Variants in MAN2A1 observed in about 807,000 individuals in gnomAD.
The protein encoded by MAN2A1 is alpha-mannosidase 2.
A neutral mutation model predicts 142.6 loss-of-function variants in MAN2A1; 76 were observed. That is an observed-to-expected ratio of 0.53 (90% CI 0.44 to 0.65). The LOEUF is 0.65. Among genes scored for constraint, MAN2A1 ranks in the 30% least tolerant of loss-of-function variants. The pLI, the probability that MAN2A1 is intolerant of heterozygous loss-of-function variation, is 0.00. For missense variants in MAN2A1, 1,311 were observed against 1,365.1 expected (o/e 0.96, Z 0.62); for synonymous variants, 559 against 473.2 (o/e 1.18, Z -2.35).
chr5:109,798,898 TAGTC>T (rs1360599571), intron 12 of MAN2A1, among the ~76,000 whole-genome samples: 2 of 152,178 alleles, frequency 1.3e-5, no homozygotes, highest in Non-Finnish European at 2.9e-5. Context: ...TTCACCGTGT[TAGTC>T]AGGATGGTCT....
At chr5:109,828,150 T>C (rs1016501625) in intron 16 of MAN2A1, among the ~76,000 whole-genome samples, 12 of 151,394 alleles carry the variant, frequency 7.9e-5, no homozygotes, top group Admixed American at 1.3e-4. Flanking sequence ...TAATGAAATA[T>C]ATTGTTTTGC....
At chr5:109,736,681 G>A (rs1752109397) in intron 4 of MAN2A1, among the ~76,000 whole-genome samples, 1 of 151,844 alleles carries the variant, frequency 6.6e-6, no homozygotes, top group South Asian at 2.1e-4. Flanking sequence ...ACTTGTTTTG[G>A]GAATCTGATT....
chr5:109,729,159 G>A (rs1004755107), intron 3 of MAN2A1, among the ~76,000 whole-genome samples, 183 bp from the exon 4 acceptor site: 1 of 152,134 alleles, frequency 6.6e-6, no homozygotes. Flanking sequence ...TTTAATATTA[G>A]TGGGTTTCTG....
At chr5:109,728,423 G>A (rs1001347639) in intron 3 of MAN2A1, among the ~76,000 whole-genome samples, 1 of 152,228 alleles carries the variant, frequency 6.6e-6, no homozygotes, top group South Asian at 2.1e-4. Context: ...CTCCTTATAC[G>A]ATTTTTTAGA....
At chr5:109,735,337 CTG>C (rs1752057917) in intron 4 of MAN2A1, among the ~76,000 whole-genome samples, 2 of 152,176 alleles carry the variant, frequency 1.3e-5, no homozygotes, top group African/African-American at 4.8e-5. Flanking sequence ...ATTTTCCAGT[CTG>C]TGTCTTTTAA....
intron 16 of MAN2A1, among the ~76,000 whole-genome samples, chr5:109,836,362 C>T (rs986374876): frequency 1.3e-5 from 2 of 151,956 alleles, no homozygotes; most frequent in African/African-American, 4.8e-5. Context: ...ATGATCCACC[C>T]ACCTCGGCCT....
chr5:109,737,658 A>G (rs1049293906), intron 4 of MAN2A1, among the ~76,000 whole-genome samples: 1 of 152,154 alleles, frequency 6.6e-6, no homozygotes, highest in African/African-American at 2.4e-5. Flanking sequence ...TATTAAACCC[A>G]GGGCTCATGA....
chr5:109,857,498 A>T (rs952609518), intron 20 of MAN2A1, among the ~76,000 whole-genome samples: 9 of 152,110 alleles, frequency 5.9e-5, no homozygotes, highest in Non-Finnish European at 1.3e-4. Flanking sequence ...TCTGGGGAGG[A>T]TGGGCGGTCA....
intron 16 of MAN2A1, among the ~76,000 whole-genome samples, chr5:109,832,933 C>T (rs1199333072): frequency 1.2e-4 from 18 of 151,420 alleles, no homozygotes; most frequent in Admixed American, 9.2e-4. Context: ...AGGGCAGAGA[C>T]GCTCCTCACC....
chr5:109,748,013 G>C (rs1422376970), intron 4 of MAN2A1, among the ~76,000 whole-genome samples: 1 of 152,144 alleles, frequency 6.6e-6, no homozygotes, highest in Non-Finnish European at 1.5e-5. Flanking sequence ...GAATCTTTTA[G>C]TAAAGTCTGT....
rs1754686758 is a variant in MAN2A1, at chr5:109,823,707, ATTATT to A, written c.2452-13_2452-9del. ...AAGCCAAAATATTTTTCTTAAATAT[ATTATT>A]TTCTTTTCAGCCTTATGTTTACACA... is the stretch of plus-strand genomic sequence containing the variant. On this transcript the variant is annotated splice_polypyrimidine_tract_variant and intron_variant, in intron 15 of 21. Transcript: ENST00000261483. 2 of 1,301,242 alleles carry A rather than the reference ATTATT, an allele frequency of 1.5e-6. No homozygotes were observed. The highest frequency in any genetic ancestry group is 1.2e-5 in the South Asian group (1 of 82,016). 80.6% of individuals were successfully genotyped at this position (1,301,242 alleles called of 1,614,324 possible).
intron 20 of MAN2A1, among the ~76,000 whole-genome samples, chr5:109,859,551 A>C (rs1755704968): frequency 6.6e-6 from 1 of 152,140 alleles, no homozygotes; most frequent in South Asian, 2.1e-4. Context: ...TTCCTTGATC[A>C]CACCTTTCCC....
intron 19 of MAN2A1, chr5:109,853,460 T>C (rs1755532939): frequency 6.6e-6 from 1 of 152,214 alleles, no homozygotes; most frequent in Admixed American, 6.5e-5. Context: ...GTTTGGAGGA[T>C]TGGTATATAT....
chr5:109,784,610 A>C, intron 9 of MAN2A1, 134 bp from the exon 10 acceptor site: 1 of 624,690 alleles, frequency 1.6e-6, no homozygotes, highest in Non-Finnish European at 2.7e-6. Flanking sequence ...AACTATTATT[A>C]CCAATATCTT....
chr5:109,722,411 G>C (rs559710159), intron 3 of MAN2A1, among the ~76,000 whole-genome samples: 1 of 152,002 alleles, frequency 6.6e-6, no homozygotes, highest in East Asian at 1.9e-4. Flanking sequence ...TCCAGCTTTT[G>C]TTTTGTTTTG....
At chr5:109,699,881 G>A (rs942965934) in intron 1 of MAN2A1, 1 of 152,254 alleles carries the variant, frequency 6.6e-6, no homozygotes, top group South Asian at 2.1e-4. Context: ...AAGAAAACCA[G>A]TACATAGTGT....
At chr5:109,809,278 T>G (rs887870902) in intron 12 of MAN2A1, among the ~76,000 whole-genome samples, 4 of 152,174 alleles carry the variant, frequency 2.6e-5, no homozygotes, top group African/African-American at 9.6e-5. Context: ...TATTATAGTT[T>G]AATTGAAATT....
At position 109,730,989 on chromosome 5, in the gene MAN2A1, T is replaced by C. The variant is rs1034946978; in HGVS notation, c.707+1476T>C. Among the ~76,000 whole-genome samples the C allele has an allele frequency of 5.9e-5, 9 of 152,326 alleles. No individual in the cohort carries two copies. In the East Asian group the frequency reaches 1.2e-3, roughly 20 times the overall value. ...CATTTTGACTTGTTTCATGGACTTT[T>C]CTGTTTGACTGTAATTGTTGTGCCT... On this transcript the variant is annotated intron_variant, in intron 4 of 21. Transcript: ENST00000261483.
At position 109,770,284 on chromosome 5, in the gene MAN2A1, T is replaced by G. The variant is rs141880349; in HGVS notation, c.1010-71T>G. On this transcript the variant is annotated intron_variant, in intron 6 of 21. Transcript: ENST00000261483. Reference sequence around the variant, plus strand: ...ATCAGCATTACTTTGTGTAAAGTAATGACATTTTGAATATTTTTTGGGAAA... The same window carrying G: ...ATCAGCATTACTTTGTGTAAAGTAAGGACATTTTGAATATTTTTTGGGAAA... 23 of 1,386,434 alleles carry G rather than the reference T, an allele frequency of 1.7e-5. No individual in the cohort carries two copies. In the African/African-American group the frequency reaches 3.0e-4, roughly 18 times the overall value. The allele number at this position is 1,386,434 out of a possible 1,614,324, so 85.9% of individuals were successfully genotyped here. A position where few individuals can be genotyped will look rare whatever the true frequency, so the allele number is the denominator to read the frequency against.
Sources: gnomAD v4.1 joint callset for allele counts (sites outside exome capture counted in the v4.1 genomes callset) on GRCh38, gnomAD v4.1.1 for gene constraint, MANE v1.5 for transcripts, NCBI Gene and HGNC (gene_info 2026-07-23, HGNC 2026-07-21) for gene names.